The following PPIL2 variants were observed in gnomAD, a reference collection of about 807,000 sequenced individuals.
The protein encoded by PPIL2 is peptidylprolyl isomerase like 2, also known as RING-type E3 ubiquitin-protein ligase PPIL2.
Under a neutral mutation model 75.2 loss-of-function variants are expected in PPIL2, and 50 were observed. The observed-to-expected ratio is 0.66, with a 90% CI of 0.53 to 0.84. The LOEUF (loss-of-function observed/expected upper bound fraction) is 0.84. Among genes scored for constraint, PPIL2 ranks in the 40% least tolerant of loss-of-function variants. The pLI, the probability that PPIL2 is intolerant of heterozygous loss-of-function variation, is 0.00. For synonymous variants in PPIL2, 245 were observed against 258.8 expected (o/e 0.95, Z 0.51); for missense variants, 590 against 685.0 (o/e 0.86, Z 1.55).
intron 15 of PPIL2, 144 bp downstream of exon 15, chr22:21,688,993 C>T (rs2067502584): frequency 1.3e-6 from 1 of 780,450 alleles, no homozygotes; most frequent in African/African-American, 1.7e-5. Context: ...AGCATGTGCA[C>T]CTGCGTTCAA....
intron 6 of PPIL2, among the ~76,000 whole-genome samples, chr22:21,679,740 TCTAA>T (rs1321691714): frequency 1.3e-5 from 2 of 151,530 alleles, no homozygotes; most frequent in East Asian, 2.0e-4. Context: ...AACTTGAGGC[TCTAA>T]CTAATTTGAG....
intron 11 of PPIL2, 67 bp downstream of exon 11, chr22:21,686,625 C>T (rs1310917177): frequency 3.8e-5 from 57 of 1,484,616 alleles, no homozygotes; most frequent in Non-Finnish European, 4.5e-5. Flanking sequence ...GGGTGTGCTC[C>T]CCGACTCCCA....
chr22:21,672,048 C>T (rs1458726056), intron 4 of PPIL2, among the ~76,000 whole-genome samples: 1 of 152,066 alleles, frequency 6.6e-6, no homozygotes, highest in Non-Finnish European at 1.5e-5. Context: ...GAAACCTTGT[C>T]TCAAAGAAAA....
chr22:21,671,334 A>G (rs2066625538), intron 4 of PPIL2, among the ~76,000 whole-genome samples: 1 of 152,208 alleles, frequency 6.6e-6, no homozygotes, highest in Non-Finnish European at 1.5e-5. Flanking sequence ...TTTTTAGGAA[A>G]TTTCAGCCTT....
chr22:21,684,291 A>AACATGGTGAAACCCCGTCTTTACTAAAG (rs2067250532), intron 9 of PPIL2, among the ~76,000 whole-genome samples: 1 of 22,252 alleles, frequency 4.5e-5, no homozygotes, highest in Non-Finnish European at 9.3e-5. Context: ...ACAAGATTGT[A>AACATGGTGAAACCCCGTCTTTACTAAAG]ACACAAAAAA....
downstream of PPIL2, chr22:21,698,566 T>TG (rs2068025533): frequency 6.6e-6 from 1 of 152,356 alleles, no homozygotes; most frequent in African/African-American, 2.4e-5. Context: ...CATCGGAGGC[T>TG]GGGTTCCCAC....
Position 21,686,954 on chromosome 22 carries a change from C to T in PPIL2, c.853C>T (p.His285Tyr), listed in dbSNP as rs1304813059. ...FVKKKGYVRL[H>Y]TNKGDLNLEL... The stretch of plus-strand genomic sequence containing the variant: ...GAAGAAGAAGGGCTACGTGCGGCTG[C>T]ACACCAACAAGGGCGACCTCAACCT... The change falls in exon 12 of 20, where the codon CAC becomes TAC. Residue 285 changes from histidine to tyrosine, a missense_variant. Physicochemically the swap from His to Tyr is moderately conservative, Grantham distance 83. Coordinates refer to ENST00000398831, the MANE Select transcript of PPIL2 (RefSeq NM_014337.4). 25 of 1,614,046 alleles carry T rather than the reference C, an allele frequency of 1.5e-5. No individual in the cohort carries two copies. The highest frequency in any genetic ancestry group is 1.8e-5 in the Non-Finnish European group (21 of 1,180,008).
At chr22:21,666,212 C>T in intron 1 of PPIL2, 81 bp downstream of exon 1, 4 of 1,469,422 alleles carry the variant, frequency 2.7e-6, no homozygotes, top group Non-Finnish European at 3.7e-6. Context: ...CGCTCGCCTT[C>T]CCTCTCAGCT....
intron 10 of PPIL2, 37 bp from the exon 11 acceptor site, chr22:21,686,446 T>C (rs2067365596): frequency 6.3e-7 from 1 of 1,595,532 alleles, no homozygotes; most frequent in Middle Eastern, 1.7e-4. Context: ...CTGCCTCCCA[T>C]GGCACTGCTG....
intron 6 of PPIL2, among the ~76,000 whole-genome samples, chr22:21,678,148 T>TC (rs2066956548): frequency 6.6e-6 from 1 of 152,018 alleles, no homozygotes. Flanking sequence ...GGGCTTCCGC[T>TC]CCAAGATGAG....
At position 21,696,743 on chromosome 22, in the gene PPIL2, TC is replaced by T. The variant is rs549684794; in HGVS notation, c.*1254del. ...TTTGTTGCCCCAAATCTTGAACCTG[TC>T]AGCAACTTGCAGGCTGTACCTCTGC... On this transcript the variant is annotated 3_prime_UTR_variant, in exon 20 of 20. Transcript: ENST00000398831. 2.5e-3 allele frequency: 3,808 copies of T among 1,540,242 alleles called. 5 individuals carry two copies. The highest frequency in any genetic ancestry group is 3.0e-3 in the Non-Finnish European group (3,413 of 1,146,786).
chr22:21,693,839 C>T lies in PPIL2; in HGVS notation c.1163C>T (p.Ala388Val), dbSNP rs760402295. The change falls in exon 16 of 20, where the codon GCC becomes GTC. Residue 388 changes from alanine (A) to valine (V), a missense_variant. Ala to Val is a moderately conservative substitution (Grantham distance 64, BLOSUM62 0). Coordinates refer to ENST00000398831, the MANE Select transcript of PPIL2 (RefSeq NM_014337.4). ...SQFFITFRSCAYLDKKHTIFG... is the reference protein window; with the variant it reads ...SQFFITFRSCVYLDKKHTIFG... The stretch of plus-strand genomic sequence containing the variant: ...AGCTTCATCACGTTTCGCTCCTGTG[C>T]CTACCTGGACAAGAAGCATACCATC... 2.6e-6 allele frequency: 4 copies of T among 1,547,544 alleles called. No individual in the cohort carries two copies. Among genetic ancestry groups the T allele is most frequent in the Admixed American group, 1.7e-5 (1 of 59,898 alleles).
chr22:21,694,496 C>G (rs565269493), intron 16 of PPIL2, 97 bp from the exon 17 acceptor site: 1 of 1,384,812 alleles, frequency 7.2e-7, no homozygotes, highest in Non-Finnish European at 1.0e-6. Context: ...AGGCCAGCCT[C>G]GGGGCTCTCA....
chr22:21,669,200 C>T (rs972027633), intron 1 of PPIL2: 1 of 189,884 alleles, frequency 5.3e-6, no homozygotes, highest in Non-Finnish European at 1.1e-5. Flanking sequence ...TCTCCCCCGT[C>T]CCCCAGGCTG....
rs10009 is a variant in PPIL2 at position 21,697,420 on chromosome 22, A to G, written c.*1930A>G. Reference sequence around the variant, plus strand: ...GGGGGCAGAGAAGTAGGACCAGGCCATCCTTGGCTCCAGAGCTCGAAGACC... The same window carrying G: ...GGGGGCAGAGAAGTAGGACCAGGCCGTCCTTGGCTCCAGAGCTCGAAGACC... On this transcript the variant is annotated 3_prime_UTR_variant, in exon 20 of 20. Coordinates refer to ENST00000398831, the MANE Select transcript of PPIL2 (RefSeq NM_014337.4). 0.35 allele frequency: 64,342 copies of G among 182,196 alleles called. 11,926 individuals carry two copies. The highest frequency in any genetic ancestry group is 0.39 in the Non-Finnish European group (33,483 of 85,342). The allele number at this position is 182,196 out of a possible 1,614,324, so 11.3% of individuals were successfully genotyped here. A position where few individuals can be genotyped will look rare whatever the true frequency, so the allele number is the denominator to read the frequency against.
chr22:21,696,380 C>T lies in PPIL2; in HGVS notation c.*890C>T. On this transcript the variant is annotated 3_prime_UTR_variant, in exon 20 of 20. Coordinates refer to ENST00000398831, the MANE Select transcript of PPIL2 (RefSeq NM_014337.4). ...TGAGAACAAGTGGATGTCCCTCTCC[C>T]CGCCCTCCTGCTGAAGTGGCCTTGC... The T allele has an allele frequency of 1.7e-6, 2 of 1,152,422 alleles. No individual in the cohort carries two copies. The highest frequency in any genetic ancestry group is 2.2e-6 in the Non-Finnish European group (2 of 927,742). 71.4% of individuals were successfully genotyped at this position (1,152,422 alleles called of 1,614,324 possible).
At position 21,667,152 on chromosome 22, in the gene PPIL2, A is replaced by ATTTT. The variant is rs747410460; in HGVS notation, c.32+1039_32+1042dup. Among the ~76,000 whole-genome samples the ATTTT allele has an allele frequency of 2.5e-3, 265 of 106,530 alleles. 5 individuals are homozygous for ATTTT. Among genetic ancestry groups the ATTTT allele is most frequent in the Middle Eastern group, 5.7e-3 (1 of 176 alleles). The allele number at this position is 106,530 out of a possible 152,430, so 69.9% of individuals were successfully genotyped here. ...ATATAGTATTCAATCCTCAGTCCTC[A>ATTTT]TTTTTTTTTTTTTTTTTTTTTGAGA... On this transcript the variant is annotated intron_variant, in intron 1 of 19. Coordinates refer to ENST00000398831, the MANE Select transcript of PPIL2 (RefSeq NM_014337.4).
chr22:21,689,112 G>A (rs1287408968), intron 15 of PPIL2, among the ~76,000 whole-genome samples: 1 of 152,254 alleles, frequency 6.6e-6, no homozygotes, highest in Non-Finnish European at 1.5e-5. Context: ...TCTTGACAGG[G>A]ACCAGGCATT....
rs931014621 is a variant in PPIL2, at chr22:21,687,629, G to C, written c.898-14G>C. The C allele has an allele frequency of 2.5e-6, 4 of 1,577,122 alleles. No homozygotes were observed. The highest frequency in any genetic ancestry group is 3.5e-6 in the Non-Finnish European group (4 of 1,154,122). On this transcript the variant is annotated splice_polypyrimidine_tract_variant and intron_variant, in intron 12 of 19. Transcript: ENST00000398831. ...AGCTCTCTGCTTCATACAAGTATTG[G>C]GGCTATGTTGCAGACACCAAAAACC...
Sources: allele counts gnomAD v4.1 joint callset (sites outside exome capture counted in the v4.1 genomes callset), GRCh38; gene constraint gnomAD v4.1.1; transcripts MANE v1.5; gene names NCBI Gene and HGNC (gene_info 2026-07-23, HGNC 2026-07-21).